Variants in BSN observed in about 807,000 individuals in gnomAD.
BSN encodes the protein protein bassoon.
In BSN, 57 loss-of-function variants were observed where a neutral mutation model predicts 264.8. That is an observed-to-expected ratio of 0.22 (90% confidence interval 0.17 to 0.27). The LOEUF is 0.27. BSN is among the 10% of genes least tolerant of loss of function. The pLI, the probability that BSN is intolerant of heterozygous loss-of-function variation, is 1.00. For synonymous variants in BSN, 2,059 were observed against 2,137.3 expected, an observed-to-expected ratio of 0.96 and a Z score of 1.01; for missense variants, 4,615 against 5,232.5, an observed-to-expected ratio of 0.88 and a Z score of 3.64.
intron 3 of BSN, among the ~76,000 whole-genome samples, chr3:49,649,777 C>T (rs942554619): frequency 2.6e-5 from 4 of 152,222 alleles, no homozygotes; most frequent in African/African-American, 9.7e-5. Flanking sequence ...TGGCTGTCTT[C>T]AGCCCCCAGC....
At chr3:49,633,947 C>G (rs2052402421) in intron 2 of BSN, among the ~76,000 whole-genome samples, 1 of 151,890 alleles carries the variant, frequency 6.6e-6, no homozygotes, top group Admixed American at 6.5e-5. Flanking sequence ...TGGCTCATGC[C>G]TGTAATCCCA....
rs538900011 is a variant in BSN, at chr3:49,653,087, C to T, written c.3531C>T (p.Ser1177=). The change falls in exon 5 of 12, where the codon TCC becomes TCT. Residue 1177 remains serine, a synonymous_variant. Transcript: ENST00000296452. The surrounding 1 kb of genome is among the most constrained non-coding windows in gnomAD (Gnocchi z 6.3). ...CCGGCAGCTCCACCACTCCCAGTTC[C>T]GGACGGCCGCTCAAGAGCGCTGAGG... ...TPSGSSTTPS[S]GRPLKSAEEA... is the part of the protein sequence containing the mutation. 2.0e-5 allele frequency: 33 copies of T among 1,613,560 alleles called. No individual in the cohort carries two copies. The South Asian group carries it at 2.1e-4, about 10-fold the overall frequency.
intron 1 of BSN, among the ~76,000 whole-genome samples, chr3:49,617,978 T>C (rs1437257955): frequency 6.6e-6 from 1 of 152,164 alleles, no homozygotes; most frequent in African/African-American, 2.4e-5. Context: ...CATTGTTGAG[T>C]GCTCCTCCTC....
chr3:49,655,561 GGCA>G lies in BSN; in HGVS notation c.6008_6010del (p.Gln2003del). Reference sequence around the variant, plus strand: ...CTCAACTACCATGCCCAGAGGATCGGGCAGCTCTTCCAGGGTCCTGGACGAGAC... The same window carrying G: ...CTCAACTACCATGCCCAGAGGATCGGGCTCTTCCAGGGTCCTGGACGAGAC... On this transcript the variant is annotated inframe_deletion, in exon 5 of 12. Transcript: ENST00000296452. 6.2e-7 allele frequency: 1 copy of G among 1,613,404 alleles called. No homozygotes were observed.
rs1364539387 is a variant in BSN, at chr3:49,638,958, C to T, written c.634-3310C>T. On this transcript the variant is annotated intron_variant, in intron 2 of 11. Transcript: ENST00000296452. The surrounding 1 kb of genome is among the most constrained non-coding windows in gnomAD (Gnocchi z 4.3). The stretch of plus-strand genomic sequence containing the variant: ...CGGGAAGAACTGAATTTGTGGCTGC[C>T]ACCCTGGGCCAGAGGCTGAGCTTCC... 6.6e-6 allele frequency among the ~76,000 whole-genome samples: 1 copy of T among 152,176 alleles called. No homozygotes were observed. Among genetic ancestry groups the T allele is most frequent in the Admixed American group, 6.5e-5 (1 of 15,282 alleles).
At position 49,653,037 on chromosome 3, in the gene BSN, C is replaced by T; in HGVS notation, c.3481C>T (p.Leu1161Phe). The T allele has an allele frequency of 1.2e-6, 2 of 1,613,612 alleles. No homozygotes were observed. Among genetic ancestry groups the T allele is most frequent in the Non-Finnish European group, 1.7e-6 (2 of 1,180,030 alleles). Residue 1161 changes from leucine (L) to phenylalanine (F), a missense_variant, in exon 5 of 12, where the codon CTC becomes TTC. Physicochemically the swap from Leu to Phe is conservative, Grantham distance 22. This residue lies in a region of BSN where 3,415 missense variants were observed against 3,866.4 expected (regional missense o/e 0.88). Coordinates refer to ENST00000296452, the MANE Select transcript of BSN (RefSeq NM_003458.4). This position sits in a 1 kb window ranked among gnomAD's most constrained non-coding sequence, Gnocchi z 6.3. Reference sequence around the variant, plus strand: ...GTACAACCTGCCCACCTTCATGTCCCTCTACTCACCAACCGAGACACCCTC... The same window carrying T: ...GTACAACCTGCCCACCTTCATGTCCTTCTACTCACCAACCGAGACACCCTC... ...SEYNLPTFMS[L>F]YSPTETPSGS...
Position 49,660,434 on chromosome 3 carries a change from C to T in BSN, c.8641-52C>T. 1.3e-6 allele frequency: 2 copies of T among 1,512,994 alleles called. No individual in the cohort carries two copies. Among genetic ancestry groups the T allele is most frequent in the South Asian group, 2.7e-5 (2 of 74,818 alleles). 93.7% of individuals were successfully genotyped at this position (1,512,994 alleles called of 1,614,324 possible). ...TGGGTTCTGCCACCCCACACCCCAT[C>T]AAGTCACCACACCTTGGGTCTCAGT... On this transcript the variant is annotated intron_variant, in intron 5 of 11. Coordinates refer to ENST00000296452, the MANE Select transcript of BSN (RefSeq NM_003458.4). This position sits in a 1 kb window ranked among gnomAD's most constrained non-coding sequence, Gnocchi z 7.1.
intron 1 of BSN, among the ~76,000 whole-genome samples, chr3:49,616,526 CAA>C (rs1417865251): frequency 2.0e-5 from 3 of 152,234 alleles, no homozygotes; most frequent in African/African-American, 2.4e-5. Flanking sequence ...TCCTGGTGAG[CAA>C]AGACAGCCAT....
chr3:49,565,144 CTTTT>C (rs971015437), intron 1 of BSN, among the ~76,000 whole-genome samples: 1 of 104,580 alleles, frequency 9.6e-6, no homozygotes, highest in South Asian at 3.1e-4. Context: ...AGAGGATTTT[CTTTT>C]TTTTTTTTTT....
intron 1 of BSN, among the ~76,000 whole-genome samples, chr3:49,563,363 T>G (rs1287797897): frequency 1.3e-5 from 2 of 152,216 alleles, no homozygotes; most frequent in Non-Finnish European, 2.9e-5. Context: ...TCAGCTGTGC[T>G]CGGCTGCTTA....
intron 1 of BSN, among the ~76,000 whole-genome samples, chr3:49,564,603 A>C (rs1019693484): frequency 6.6e-6 from 1 of 152,176 alleles, no homozygotes; most frequent in Non-Finnish European, 1.5e-5. Context: ...CCAGTGTTGG[A>C]TGCTCAAGGC....
chr3:49,572,192 A>C (rs1450595370), intron 1 of BSN, among the ~76,000 whole-genome samples: 1 of 152,184 alleles, frequency 6.6e-6, no homozygotes, highest in African/African-American at 2.4e-5. Context: ...CATGATGGAG[A>C]TTGAATTAAT....
chr3:49,624,863 A>G lies in BSN; in HGVS notation c.225-112A>G, dbSNP rs922836934. 4 of 986,616 alleles carry G rather than the reference A, an allele frequency of 4.1e-6. No individual in the cohort carries two copies. The African/African-American group carries it at 6.6e-5, about 16-fold the overall frequency. 61.1% of individuals were successfully genotyped at this position (986,616 alleles called of 1,614,324 possible). A position where few individuals can be genotyped will look rare whatever the true frequency, so the allele number is the denominator to read the frequency against. On this transcript the variant is annotated intron_variant, in intron 1 of 11. Transcript: ENST00000296452. ...GAGGGCCATGATGATTCTTCTGGGCAGGAGGAAGAGGGTGGTGATGGGGCT... is the reference window on the plus strand; with the variant it reads ...GAGGGCCATGATGATTCTTCTGGGCGGGAGGAAGAGGGTGGTGATGGGGCT...
At position 49,554,677 on chromosome 3, in the gene BSN, GGGCCCC is replaced by G. The variant is rs1204153339; in HGVS notation, c.91_96del (p.Pro31_Gly32del). 7.9e-6 allele frequency: 8 copies of G among 1,018,636 alleles called. No individual in the cohort carries two copies. Among genetic ancestry groups the G allele is most frequent in the Middle Eastern group, 4.7e-4 (1 of 2,116 alleles). The allele number at this position is 1,018,636 out of a possible 1,614,324, so 63.1% of individuals were successfully genotyped here. A position where few individuals can be genotyped will look rare whatever the true frequency, so the allele number is the denominator to read the frequency against. On this transcript the variant is annotated inframe_deletion, in exon 1 of 12. Coordinates refer to ENST00000296452, the MANE Select transcript of BSN (RefSeq NM_003458.4). ...CGCCCGGCGGCGCCGGCCCCGGCCCGGGCCCCGGCCCCGGCCCCGGCGCAGGAAAGC... is the reference window on the plus strand; with the variant it reads ...CGCCCGGCGGCGCCGGCCCCGGCCCGGGCCCCGGCCCCGGCGCAGGAAAGC...
intron 1 of BSN, among the ~76,000 whole-genome samples, chr3:49,588,548 T>C (rs2051953140): frequency 6.6e-6 from 1 of 152,228 alleles, no homozygotes; most frequent in Non-Finnish European, 1.5e-5. Context: ...ATCTTTCTTT[T>C]CTTGAATATA....
intron 1 of BSN, among the ~76,000 whole-genome samples, chr3:49,608,556 G>A (rs1250485367): frequency 2.0e-5 from 3 of 152,162 alleles, no homozygotes; most frequent in African/African-American, 4.8e-5. Context: ...CAGGCTTGGC[G>A]TGGTGGCTCA....
At chr3:49,607,697 G>A (rs548973241) in intron 1 of BSN, among the ~76,000 whole-genome samples, 6 of 152,338 alleles carry the variant, frequency 3.9e-5, no homozygotes, top group Non-Finnish European at 7.4e-5. Context: ...TTAGGCCACA[G>A]TAGCTGAATT....
In BSN at chr3:49,662,516, G is replaced by A. The variant is rs1197927580; in HGVS notation, c.10671G>A (p.Glu3557=). Residue 3557 remains glutamate (E), a synonymous_variant, in exon 6 of 12, where the codon GAG becomes GAA. Coordinates refer to ENST00000296452, the MANE Select transcript of BSN (RefSeq NM_003458.4). ...GPRAHAYKRE[E]GYILDDSHCV... is the part of the protein sequence containing the mutation. The stretch of plus-strand genomic sequence containing the variant: ...GGGCCCACGCATATAAGCGTGAGGA[G>A]GGCTACATCCTGGATGATTCCCATT... The A allele has an allele frequency of 6.2e-7, 1 of 1,609,858 alleles. No homozygotes were observed. The highest frequency in any genetic ancestry group is 2.2e-5 in the East Asian group (1 of 44,864).
chr3:49,665,083 G>A (rs962362783), intron 10 of BSN, 146 bp from the exon 11 acceptor site: 1 of 469,054 alleles, frequency 2.1e-6, no homozygotes, highest in Admixed American at 3.9e-5. Flanking sequence ...CCCAGCAAAG[G>A]AGGGGCCAAA....
Sources: allele counts gnomAD v4.1 joint callset (sites outside exome capture counted in the v4.1 genomes callset), GRCh38; gene constraint gnomAD v4.1.1; regional missense constraint gnomAD v4.1.1; non-coding constraint Gnocchi (gnomAD v3.1); transcripts MANE v1.5; gene names NCBI Gene and HGNC (gene_info 2026-07-23, HGNC 2026-07-21).